The following DYNC2H1 variants were observed in gnomAD, a reference collection of about 807,000 sequenced individuals.
The protein encoded by DYNC2H1 is cytoplasmic dynein 2 heavy chain 1.
A neutral mutation model predicts 570.0 loss-of-function variants in DYNC2H1; 410 were observed. That is an observed-to-expected ratio of 0.72 (90% CI 0.66 to 0.78). DYNC2H1 has a LOEUF of 0.78. Among genes scored for constraint, DYNC2H1 ranks in the 30% least tolerant of loss-of-function variants. The probability of loss-of-function intolerance (pLI) is 0.00; values close to 1 mark genes in which losing one functional copy is unlikely to be tolerated. For missense variants in DYNC2H1, 4,865 were observed against 5,046.4 expected, an observed-to-expected ratio of 0.96 and a Z score of 1.09; for synonymous variants, 1,688 against 1,677.6, an observed-to-expected ratio of 1.01 and a Z score of -0.15.
chr11:103,338,416 A>G (rs1277937456), intron 82 of DYNC2H1, among the ~76,000 whole-genome samples: 2 of 152,050 alleles, frequency 1.3e-5, no homozygotes, highest in African/African-American at 2.4e-5. Flanking sequence ...GAAGAATGTC[A>G]TTGATATTTT....
At chr11:103,288,298 A>G (rs934661951) in intron 75 of DYNC2H1, among the ~76,000 whole-genome samples, 3 of 152,064 alleles carry the variant, frequency 2.0e-5, no homozygotes, top group Non-Finnish European at 2.9e-5. Flanking sequence ...AATCGAAACC[A>G]CCTTTGCAAA....
chr11:103,386,821 G>C (rs1243882731), intron 83 of DYNC2H1, among the ~76,000 whole-genome samples: 1 of 152,082 alleles, frequency 6.6e-6, no homozygotes, highest in African/African-American at 2.4e-5. Flanking sequence ...CCCTACAAAG[G>C]ACATGAACTC....
At position 103,307,732 on chromosome 11, in the gene DYNC2H1, T is replaced by C. The variant is rs754769235; in HGVS notation, c.11394T>C (p.Thr3798=). The C allele has an allele frequency of 1.9e-6, 3 of 1,590,004 alleles. No individual in the cohort carries two copies. The South Asian group carries it at 3.5e-5, about 18-fold the overall frequency. The part of the protein sequence containing the change: ...WLPVLEKELN[T]LQPKDTFRLW... ...GTTTTGTAAACAAGGAATTGAATAC[T>C]CTTCAACCTAAAGATACCTTTCGTC... is the stretch of plus-strand genomic sequence containing the variant. Residue 3798 remains threonine, a synonymous_variant, in exon 78 of 89, where the codon ACT becomes ACC. Coordinates refer to ENST00000375735, the MANE Select transcript of DYNC2H1 (RefSeq NM_001377.3).
intron 17 of DYNC2H1, among the ~76,000 whole-genome samples, chr11:103,139,502 A>T (rs887427988): frequency 6.6e-6 from 1 of 152,028 alleles, no homozygotes; most frequent in African/African-American, 2.4e-5. Context: ...CAGGTTGTTC[A>T]GTTTCCATGT....
chr11:103,128,962 C>G lies in DYNC2H1; in HGVS notation c.1910C>G (p.Pro637Arg). Residue 637 changes from proline (P) to arginine (R), a missense_variant, in exon 13 of 89, where the codon CCA becomes CGA. This residue lies in a region of DYNC2H1 where 1,936 missense variants were observed against 1,962.1 expected (regional missense o/e 0.99). Coordinates refer to ENST00000375735, the MANE Select transcript of DYNC2H1 (RefSeq NM_001377.3). ...IDQQMIQSQRPMMLQSALAFE... is the reference protein window; with the variant it reads ...IDQQMIQSQRRMMLQSALAFE... ...CAACAAATGATTCAAAGTCAGAGGC[C>G]AATGATGTTACAATCTGCCTTAGCA... is the stretch of plus-strand genomic sequence containing the variant. 1 of 1,603,852 alleles carries G rather than the reference C, an allele frequency of 6.2e-7. No homozygotes were observed. Among genetic ancestry groups the G allele is most frequent in the Non-Finnish European group, 8.5e-7 (1 of 1,176,190 alleles).
chr11:103,371,694 T>G (rs1386458275), intron 83 of DYNC2H1, among the ~76,000 whole-genome samples: 1 of 152,164 alleles, frequency 6.6e-6, no homozygotes, highest in African/African-American at 2.4e-5. Flanking sequence ...GAATAGTATA[T>G]GTAGTGAAAA....
Position 103,249,095 on chromosome 11 carries a change from T to C in DYNC2H1, c.10042+3721T>C, listed in dbSNP as rs1332271673. The stretch of plus-strand genomic sequence containing the variant: ...TAACTGCATCACAGGTTAATTCCAA[T>C]GTAAATTAAGAATTCATACAGTTAA... On this transcript the variant is annotated intron_variant, in intron 65 of 88. Transcript: ENST00000375735. The surrounding 1 kb of genome is among the most constrained non-coding windows in gnomAD (Gnocchi z 4.6). Among the ~76,000 whole-genome samples the C allele has an allele frequency of 3.9e-5, 6 of 152,002 alleles. No individual in the cohort carries two copies. The highest frequency in any genetic ancestry group is 1.4e-4 in the African/African-American group (6 of 41,430).
At chr11:103,449,202 A>C (rs1944519840) in intron 85 of DYNC2H1, among the ~76,000 whole-genome samples, 1 of 152,192 alleles carries the variant, frequency 6.6e-6, no homozygotes, top group Admixed American at 6.5e-5. Context: ...GAAACAAGAC[A>C]GAAAAAGGTG....
chr11:103,127,906 A>T (rs1016797843), intron 12 of DYNC2H1, among the ~76,000 whole-genome samples: 1 of 152,226 alleles, frequency 6.6e-6, no homozygotes, highest in Admixed American at 6.5e-5. Context: ...TGCCTTGAAG[A>T]AGAATAAAAC....
At chr11:103,259,843 A>T in intron 69 of DYNC2H1, 45 bp from the exon 70 acceptor site, 1 of 1,303,624 alleles carries the variant, frequency 7.7e-7, no homozygotes, top group Non-Finnish European at 1.1e-6. Context: ...CGTACTTTTT[A>T]AATGTTTATA....
intron 88 of DYNC2H1, among the ~76,000 whole-genome samples, chr11:103,471,183 T>A (rs1023744340): frequency 5.9e-5 from 9 of 152,204 alleles, no homozygotes; most frequent in African/African-American, 2.2e-4. Flanking sequence ...TATTTTTCTG[T>A]AAGATTTTCT....
chr11:103,420,119 G>A (rs987475271), intron 84 of DYNC2H1, among the ~76,000 whole-genome samples: 17 of 151,978 alleles, frequency 1.1e-4, no homozygotes, highest in South Asian at 1.0e-3. Flanking sequence ...TAAAACCTCC[G>A]AGAAATATGG....
chr11:103,332,796 G>A (rs748088756), intron 82 of DYNC2H1, among the ~76,000 whole-genome samples: 3 of 152,128 alleles, frequency 2.0e-5, no homozygotes, highest in Non-Finnish European at 4.4e-5. Flanking sequence ...GAGGTCAGGA[G>A]TTCGAGATCC....
rs748563699 is a variant in DYNC2H1, at chr11:103,203,733, A to G, written c.8268A>G (p.Ser2756=). 7 of 1,612,414 alleles carry G rather than the reference A, an allele frequency of 4.3e-6. No homozygotes were observed. The Admixed American group carries it at 1.2e-4, about 27-fold the overall frequency. ...PLLLPLKDQA[S]QDGFFGPVFN... is the part of the protein sequence containing the mutation. ...TGTTACCACTTAAGGATCAAGCTTC[A>G]CAAGATGGTTTTTTTGGACCAGTCT... Residue 2756 remains serine (S), a synonymous_variant, in exon 51 of 89, where the codon TCA becomes TCG. Coordinates refer to ENST00000375735, the MANE Select transcript of DYNC2H1 (RefSeq NM_001377.3). The surrounding 1 kb of genome is among the most constrained non-coding windows in gnomAD (Gnocchi z 4.7).
At chr11:103,389,187 A>G (rs1257569661) in intron 83 of DYNC2H1, among the ~76,000 whole-genome samples, 1 of 152,170 alleles carries the variant, frequency 6.6e-6, no homozygotes, top group African/African-American at 2.4e-5. Flanking sequence ...AGATGCTGTT[A>G]TTGATCTATT....
chr11:103,135,721 C>A lies in DYNC2H1; in HGVS notation c.2347C>A (p.Gln783Lys), dbSNP rs2134780321. The change falls in exon 17 of 89, where the codon CAG (glutamine) becomes AAG (lysine). Residue 783 changes from glutamine (Q) to lysine (K), a missense_variant and splice_region_variant. By Grantham distance (53) the Gln-to-Lys change is moderately conservative. This residue lies in a region of DYNC2H1 where 1,936 missense variants were observed against 1,962.1 expected (regional missense o/e 0.99). Transcript: ENST00000375735. ...TTAAAGTTATTTATTTACTTTTAGA[C>A]AGGGACGATTACAATTCAGGCCCCC... Reference protein sequence around the residue: ...PEINIDLTYKQGRLQFRPPFE... With the variant: ...PEINIDLTYKKGRLQFRPPFE... The A allele has an allele frequency of 6.2e-7, 1 of 1,608,128 alleles. No individual in the cohort carries two copies. Among genetic ancestry groups the A allele is most frequent in the Non-Finnish European group, 8.5e-7 (1 of 1,176,848 alleles).
In DYNC2H1 at chr11:103,129,602, T is replaced by C. The variant is rs936096217; in HGVS notation, c.1953+597T>C. Among the ~76,000 whole-genome samples the C allele has an allele frequency of 1.3e-5, 2 of 151,950 alleles. No homozygotes were observed. The highest frequency in any genetic ancestry group is 2.9e-5 in the Non-Finnish European group (2 of 68,002). ...GGGAGGCTGATGCAGGAGAATCACT[T>C]GAACCCAGGAGGTGGAGGTTGCAGT... On this transcript the variant is annotated intron_variant, in intron 13 of 88. Transcript: ENST00000375735. This position sits in a 1 kb window ranked among gnomAD's most constrained non-coding sequence, Gnocchi z 4.1.
chr11:103,478,548 C>T (rs986610096), intron 88 of DYNC2H1, among the ~76,000 whole-genome samples: 2 of 152,134 alleles, frequency 1.3e-5, no homozygotes, highest in East Asian at 1.9e-4. Context: ...GACAGAGCAA[C>T]GTGATACCAT....
chr11:103,177,541 T>C lies in DYNC2H1; in HGVS notation c.5875-15T>C. ...ATATTATAAATCATATATGAACATATTTCTTTCCTACTAGATCAAAAAGGC... is the reference window on the plus strand; with the variant it reads ...ATATTATAAATCATATATGAACATACTTCTTTCCTACTAGATCAAAAAGGC... On this transcript the variant is annotated splice_polypyrimidine_tract_variant and intron_variant, in intron 37 of 88. Coordinates refer to ENST00000375735, the MANE Select transcript of DYNC2H1 (RefSeq NM_001377.3). The surrounding 1 kb of genome is among the most constrained non-coding windows in gnomAD (Gnocchi z 4.4). 1 of 1,592,968 alleles carries C rather than the reference T, an allele frequency of 6.3e-7. No individual in the cohort carries two copies. Among genetic ancestry groups the C allele is most frequent in the Non-Finnish European group, 8.5e-7 (1 of 1,174,120 alleles).
Sources: gnomAD v4.1 joint callset for allele counts (sites outside exome capture counted in the v4.1 genomes callset) on GRCh38, gnomAD v4.1.1 for gene constraint, gnomAD v4.1.1 regional missense constraint, Gnocchi (gnomAD v3.1) non-coding constraint, MANE v1.5 for transcripts, NCBI Gene and HGNC (gene_info 2026-07-23, HGNC 2026-07-21) for gene names.